The following DOCK3 variants were observed in gnomAD, a reference collection of about 807,000 sequenced individuals.
DOCK3 encodes the protein dedicator of cytokinesis protein 3.
A neutral mutation model predicts 265.6 loss-of-function variants in DOCK3; 60 were observed. The observed-to-expected ratio is 0.23, with a 90% CI of 0.18 to 0.28. DOCK3 has a LOEUF of 0.28. Ranked by LOEUF, DOCK3 falls within the 10% of genes least tolerant of loss-of-function variation. DOCK3 has a pLI of 1.00. For synonymous variants in DOCK3, 881 were observed against 938.0 expected, an observed-to-expected ratio of 0.94 and a Z score of 1.11; for missense variants, 1,981 against 2,594.3, an observed-to-expected ratio of 0.76 and a Z score of 5.14.
At chr3:50,699,453 AT>A (rs33947661) in intron 1 of DOCK3, among the ~76,000 whole-genome samples, 97,469 of 122,448 alleles carry the variant, frequency 0.8, 38,485 homozygotes, top group East Asian at 0.91. Flanking sequence ...GTTGTTGGGC[AT>A]TTTTTTTTTT....
chr3:50,995,910 C>CGGA (rs2078264427), intron 5 of DOCK3, among the ~76,000 whole-genome samples: 1 of 151,864 alleles, frequency 6.6e-6, no homozygotes, highest in African/African-American at 2.4e-5. Flanking sequence ...TTGGCGGGGG[C>CGGA]GGAGGGGACT....
At chr3:50,828,378 G>A (rs928867377) in intron 2 of DOCK3, among the ~76,000 whole-genome samples, 8 of 151,790 alleles carry the variant, frequency 5.3e-5, no homozygotes, top group South Asian at 2.1e-4. Context: ...ACATTCATTC[G>A]TTTGCCCACA....
chr3:51,006,055 C>G (rs2078664590), intron 5 of DOCK3, among the ~76,000 whole-genome samples: 1 of 152,080 alleles, frequency 6.6e-6, no homozygotes, highest in African/African-American at 2.4e-5. Context: ...TTAAGTATGT[C>G]AGTGCCAAGC....
intron 5 of DOCK3, among the ~76,000 whole-genome samples, chr3:51,056,338 T>C (rs1364718710): frequency 6.6e-6 from 1 of 152,334 alleles, no homozygotes; most frequent in African/African-American, 2.4e-5. Flanking sequence ...AAGCTCTGCC[T>C]TCCAGGTTCA....
At chr3:50,725,312 A>C (rs1442554679) in intron 1 of DOCK3, among the ~76,000 whole-genome samples, 1 of 152,238 alleles carries the variant, frequency 6.6e-6, no homozygotes, top group African/African-American at 2.4e-5. Flanking sequence ...GAGAAGGACT[A>C]TGGTAAATTA....
intron 1 of DOCK3, among the ~76,000 whole-genome samples, chr3:50,711,203 A>G (rs1356809798): frequency 2.6e-5 from 4 of 151,098 alleles, no homozygotes; most frequent in Non-Finnish European, 4.4e-5. Context: ...ATTGATTTTC[A>G]TATGTTGAAC....
chr3:51,332,041 T>G (rs536430466), intron 33 of DOCK3, among the ~76,000 whole-genome samples: 1 of 152,330 alleles, frequency 6.6e-6, no homozygotes, highest in South Asian at 2.1e-4. Context: ...CTCAGAAGCC[T>G]GGCCTAGGCA....
At chr3:50,721,655 T>G (rs2037480252) in intron 1 of DOCK3, among the ~76,000 whole-genome samples, 1 of 152,206 alleles carries the variant, frequency 6.6e-6, no homozygotes, top group Non-Finnish European at 1.5e-5. Context: ...TGTTCTTTGC[T>G]TAGGATTGTT....
Position 50,822,236 on chromosome 3 carries a change from T to C in DOCK3, c.122-19439T>C, listed in dbSNP as rs1421192802. On this transcript the variant is annotated intron_variant, in intron 2 of 52. Coordinates refer to ENST00000266037, the MANE Select transcript of DOCK3 (RefSeq NM_004947.5). ...TCTTTTACCTCCTTGGTTAGCTATA[T>C]TCCTAGGTATTTTATTTTATTTTTT... Among the ~76,000 whole-genome samples the C allele has an allele frequency of 3.9e-5, 6 of 152,274 alleles. No individual in the cohort carries two copies. The South Asian group carries it at 6.2e-4, about 16-fold the overall frequency.
rs2086759767 is a variant in DOCK3, at chr3:51,361,832, C to T, written c.5007-27C>T. ...CTGCCACCTGCCATGGGCCTGACTC[C>T]TCCCTATTTCCCACTCTTGCTCACA... is the stretch of plus-strand genomic sequence containing the variant. On this transcript the variant is annotated intron_variant, in intron 47 of 52. Transcript: ENST00000266037. The surrounding 1 kb of genome is among the most constrained non-coding windows in gnomAD (Gnocchi z 4.2). 1.9e-6 allele frequency: 3 copies of T among 1,607,928 alleles called. No homozygotes were observed. The highest frequency in any genetic ancestry group is 2.5e-6 in the Non-Finnish European group (3 of 1,176,734).
At chr3:50,936,312 A>G (rs2051356904) in intron 5 of DOCK3, among the ~76,000 whole-genome samples, 1 of 151,842 alleles carries the variant, frequency 6.6e-6, no homozygotes, top group Non-Finnish European at 1.5e-5. Flanking sequence ...CTGTGGAACA[A>G]TAACGTAAGA....
intron 5 of DOCK3, among the ~76,000 whole-genome samples, chr3:50,985,692 A>G (rs1427404930): frequency 2.0e-5 from 3 of 152,186 alleles, no homozygotes; most frequent in Non-Finnish European, 2.9e-5. Context: ...GCTGAGCACC[A>G]TAACATATGA....
chr3:51,141,288 T>C (rs2085055881), intron 9 of DOCK3, among the ~76,000 whole-genome samples: 1 of 109,862 alleles, frequency 9.1e-6, no homozygotes, highest in Non-Finnish European at 1.8e-5. Flanking sequence ...ACTCACATAA[T>C]TTCCTGGAGA....
At chr3:50,977,783 A>G (rs1212861387) in intron 5 of DOCK3, among the ~76,000 whole-genome samples, 2 of 152,044 alleles carry the variant, frequency 1.3e-5, no homozygotes, top group East Asian at 1.9e-4. Flanking sequence ...AGGTACACCA[A>G]TCAGACGTAG....
chr3:50,767,701 A>G (rs1281843677), intron 1 of DOCK3, among the ~76,000 whole-genome samples: 1 of 152,112 alleles, frequency 6.6e-6, no homozygotes, highest in Non-Finnish European at 1.5e-5. Context: ...TCTATAAATT[A>G]CCTTGGGCAA....
At chr3:51,056,073 A>G (rs1372956763) in intron 5 of DOCK3, among the ~76,000 whole-genome samples, 1 of 152,102 alleles carries the variant, frequency 6.6e-6, no homozygotes, top group Non-Finnish European at 1.5e-5. Context: ...GCTTCTTTGC[A>G]TTTTCATTTG....
At chr3:50,811,882 T>C (rs1476892526) in intron 2 of DOCK3, among the ~76,000 whole-genome samples, 2 of 152,156 alleles carry the variant, frequency 1.3e-5, no homozygotes, top group African/African-American at 4.8e-5. Context: ...AAAAAAGTAG[T>C]TAACTGCTAA....
intron 4 of DOCK3, among the ~76,000 whole-genome samples, chr3:50,927,653 G>GT (rs1040179001): frequency 2.6e-5 from 4 of 152,126 alleles, no homozygotes; most frequent in Non-Finnish European, 5.9e-5. Context: ...CCAAGTTGTC[G>GT]TTTTTTCAGT....
In DOCK3 at chr3:51,113,176, G is replaced by A. The variant is rs1024204725; in HGVS notation, c.746+22792G>A. Among the ~76,000 whole-genome samples, 12 of 151,662 alleles carry A rather than the reference G, an allele frequency of 7.9e-5. No individual in the cohort carries two copies. In the East Asian group the frequency reaches 1.9e-3, roughly 24 times the overall value. On this transcript the variant is annotated intron_variant, in intron 9 of 52. Transcript: ENST00000266037. ...TTATGTTCTAGAGGGGGAGATAGAGGATAAATATATATATATATAACTGGC... is the reference window on the plus strand; with the variant it reads ...TTATGTTCTAGAGGGGGAGATAGAGAATAAATATATATATATATAACTGGC...
Sources: gnomAD v4.1 joint callset for allele counts (sites outside exome capture counted in the v4.1 genomes callset) on GRCh38, gnomAD v4.1.1 for gene constraint, Gnocchi (gnomAD v3.1) non-coding constraint, MANE v1.5 for transcripts, NCBI Gene and HGNC (gene_info 2026-07-23, HGNC 2026-07-21) for gene names.